The following SLC35F3 variants were observed in gnomAD, a reference collection of about 807,000 sequenced individuals.
SLC35F3 encodes putative thiamine transporter SLC35F3.
Under a neutral mutation model 49.9 loss-of-function variants are expected in SLC35F3, and 25 were observed. The observed-to-expected ratio is 0.50, with a 90% CI of 0.37 to 0.70. SLC35F3 has a LOEUF of 0.70. SLC35F3 is among the 30% of genes least tolerant of loss of function. The pLI, the probability that SLC35F3 is intolerant of heterozygous loss-of-function variation, is 0.00. For synonymous variants in SLC35F3, 275 were observed against 265.4 expected, an observed-to-expected ratio of 1.04 and a Z score of -0.35; for missense variants, 525 against 639.8, an observed-to-expected ratio of 0.82 and a Z score of 1.94.
intron 2 of SLC35F3, among the ~76,000 whole-genome samples, chr1:234,130,234 T>A (rs1176349092): frequency 1.3e-5 from 2 of 152,214 alleles, no homozygotes; most frequent in East Asian, 3.8e-4. Flanking sequence ...AAATAAGTTA[T>A]CCAAATGGCC....
At position 233,905,058 on chromosome 1, in the gene SLC35F3, G is replaced by C; in HGVS notation, c.-20G>C. On this transcript the variant is annotated 5_prime_UTR_variant, in exon 1 of 8. Coordinates refer to ENST00000366618, the MANE Select transcript of SLC35F3 (RefSeq NM_173508.4). ...TCCGCCTCAAGTCTGGGAGCTGCCG[G>C]TCCCACTCTGTCTTTGCCTATGGGG... is the stretch of plus-strand genomic sequence containing the variant. 1.3e-6 allele frequency: 2 copies of C among 1,555,432 alleles called. No individual in the cohort carries two copies. Among genetic ancestry groups the C allele is most frequent in the Non-Finnish European group, 8.7e-7 (1 of 1,148,756 alleles).
At chr1:233,938,746 A>G (rs1473751356) in intron 2 of SLC35F3, among the ~76,000 whole-genome samples, 1 of 151,990 alleles carries the variant, frequency 6.6e-6, no homozygotes, top group African/African-American at 2.4e-5. Flanking sequence ...AGGTGGATGG[A>G]TGGAAAGATG....
At position 234,318,866 on chromosome 1, in the gene SLC35F3, T is replaced by C. The variant is rs1657553001; in HGVS notation, c.1070T>C (p.Phe357Ser). The change falls in exon 6 of 8, where the codon TTT becomes TCT. Residue 357 changes from phenylalanine to serine, a missense_variant. By Grantham distance (155) the Phe-to-Ser change is radical. Around this residue, in one of 4 missense-constraint regions of SLC35F3, gnomAD observed 216 missense variants for 298.1 expected, o/e 0.72. Transcript: ENST00000366618. ...ACCTGCATTCCTATTATCCTCTACTTTACCAAAGTGGAATACTGGAGCTCT... is the reference window on the plus strand; with the variant it reads ...ACCTGCATTCCTATTATCCTCTACTCTACCAAAGTGGAATACTGGAGCTCT... ...FITCIPIILYFTKVEYWSSFD... is the reference protein window; with the variant it reads ...FITCIPIILYSTKVEYWSSFD... 1 of 1,614,098 alleles carries C rather than the reference T, an allele frequency of 6.2e-7. No homozygotes were observed. The highest frequency in any genetic ancestry group is 1.3e-5 in the African/African-American group (1 of 74,936).
At chr1:233,939,472 G>T (rs1662387487) in intron 2 of SLC35F3, among the ~76,000 whole-genome samples, 1 of 152,110 alleles carries the variant, frequency 6.6e-6, no homozygotes, top group Non-Finnish European at 1.5e-5. Context: ...AAAAAAAATT[G>T]AAAACATTCC....
chr1:234,015,347 C>A (rs1313625333), intron 2 of SLC35F3, among the ~76,000 whole-genome samples: 71 of 132,322 alleles, frequency 5.4e-4, no homozygotes, highest in East Asian at 4.6e-3. Context: ...GACTCTATAT[C>A]AAAAAAAAAA....
At chr1:234,203,385 A>AT (rs1380041191) in intron 2 of SLC35F3, among the ~76,000 whole-genome samples, 1 of 152,142 alleles carries the variant, frequency 6.6e-6, no homozygotes, top group Non-Finnish European at 1.5e-5. Flanking sequence ...CAAGAGACTC[A>AT]TTTTTTAGCC....
chr1:233,955,764 T>G (rs1455304132), intron 2 of SLC35F3, among the ~76,000 whole-genome samples: 9 of 114,998 alleles, frequency 7.8e-5, no homozygotes, highest in African/African-American at 2.2e-4. Flanking sequence ...TCTCACGAAC[T>G]GTTTTTTTTT....
intron 2 of SLC35F3, among the ~76,000 whole-genome samples, chr1:234,002,531 T>G (rs1361635715): frequency 1.3e-5 from 2 of 152,170 alleles, no homozygotes; most frequent in African/African-American, 4.8e-5. Context: ...GGGTTAGGGT[T>G]TGGGGAGAAA....
At chr1:233,974,582 TAGCAC>T (rs1216894863) in intron 2 of SLC35F3, among the ~76,000 whole-genome samples, 1 of 152,224 alleles carries the variant, frequency 6.6e-6, no homozygotes, top group Non-Finnish European at 1.5e-5. Context: ...GTGGCCCAGT[TAGCAC>T]TTCCTTTCAT....
intron 3 of SLC35F3, among the ~76,000 whole-genome samples, chr1:234,236,861 T>C (rs1032136680): frequency 6.7e-6 from 1 of 149,144 alleles, no homozygotes; most frequent in Admixed American, 6.7e-5. Flanking sequence ...TGGATGACAA[T>C]TGTTGTTCTT....
At chr1:234,140,291 A>T (rs948161161) in intron 2 of SLC35F3, among the ~76,000 whole-genome samples, 7 of 152,210 alleles carry the variant, frequency 4.6e-5, no homozygotes, top group Admixed American at 3.9e-4. Context: ...ATCTCGCATC[A>T]TCACATGGAA....
intron 2 of SLC35F3, among the ~76,000 whole-genome samples, chr1:233,922,550 C>G (rs1187337939): frequency 7.0e-6 from 1 of 142,414 alleles, no homozygotes; most frequent in African/African-American, 2.6e-5. Context: ...GATATTAGCC[C>G]TTTGTCAGAT....
intron 2 of SLC35F3, among the ~76,000 whole-genome samples, chr1:234,196,597 C>A (rs145941427): frequency 9.2e-5 from 14 of 152,190 alleles, no homozygotes; most frequent in Non-Finnish European, 1.5e-5. Context: ...CATGTAAGCC[C>A]GAGGAGGGCA....
chr1:234,034,581 C>T (rs1303679974), intron 2 of SLC35F3, among the ~76,000 whole-genome samples: 1 of 152,148 alleles, frequency 6.6e-6, no homozygotes, highest in African/African-American at 2.4e-5. Flanking sequence ...AGTGCAGTGG[C>T]ATGATCTCGG....
At chr1:234,278,964 A>G (rs1032658818) in intron 3 of SLC35F3, among the ~76,000 whole-genome samples, 19 of 151,836 alleles carry the variant, frequency 1.3e-4, no homozygotes, top group African/African-American at 4.4e-4. Flanking sequence ...TCAATTTAGG[A>G]AGTTTATTTT....
intron 2 of SLC35F3, among the ~76,000 whole-genome samples, chr1:233,996,561 C>T (rs1663464924): frequency 6.6e-6 from 1 of 152,036 alleles, no homozygotes; most frequent in Non-Finnish European, 1.5e-5. Context: ...TTTGTGGGTT[C>T]CCTGACAGCC....
chr1:234,235,810 G>A (rs1412732825), intron 3 of SLC35F3, among the ~76,000 whole-genome samples: 1 of 152,188 alleles, frequency 6.6e-6, no homozygotes, highest in Non-Finnish European at 1.5e-5. Context: ...CAGTTTAGAT[G>A]CCTTTCATCT....
At chr1:234,045,267 T>A (rs1664272736) in intron 2 of SLC35F3, among the ~76,000 whole-genome samples, 1 of 152,184 alleles carries the variant, frequency 6.6e-6, no homozygotes, top group African/African-American at 2.4e-5. Flanking sequence ...TATAATGAAG[T>A]TTTCACAAAT....
chr1:233,947,480 G>A (rs115966893), intron 2 of SLC35F3, among the ~76,000 whole-genome samples: 1,865 of 151,190 alleles, frequency 0.012, 23 homozygotes, highest in Non-Finnish European at 0.02. Context: ...CCCCATCTTC[G>A]ATCCTGCTGG....
Sources: gnomAD v4.1 joint callset for allele counts (sites outside exome capture counted in the v4.1 genomes callset) on GRCh38, gnomAD v4.1.1 for gene constraint, gnomAD v4.1.1 regional missense constraint, MANE v1.5 for transcripts, NCBI Gene and HGNC (gene_info 2026-07-23, HGNC 2026-07-21) for gene names.